PTPRD: variants seen among roughly 807,000 people sequenced by gnomAD.
PTPRD encodes the protein receptor-type tyrosine-protein phosphatase delta.
In PTPRD, 34 loss-of-function variants were observed where a neutral mutation model predicts 214.5. The ratio of observed to expected loss-of-function variants is 0.16; its 90% CI spans 0.12 to 0.21. PTPRD has a LOEUF of 0.21. PTPRD is among the 10% of genes least tolerant of loss of function. The probability of loss-of-function intolerance (pLI) is 1.00; values close to 1 mark genes in which losing one functional copy is unlikely to be tolerated. For missense variants in PTPRD, 2,545 were observed against 2,398.7 expected (o/e 1.06, Z -1.27); for synonymous variants, 1,128 against 845.7 (o/e 1.33, Z -5.79).
intron 2 of PTPRD, among the ~76,000 whole-genome samples, chr9:10,565,541 T>C (rs534430136): frequency 3.9e-5 from 6 of 152,218 alleles, no homozygotes; most frequent in Admixed American, 2.6e-4. Flanking sequence ...ATTGTGTTTA[T>C]AGTAAGTACT....
chr9:8,447,585 T>C (rs1307338117), intron 34 of PTPRD, among the ~76,000 whole-genome samples: 1 of 152,200 alleles, frequency 6.6e-6, no homozygotes, highest in Non-Finnish European at 1.5e-5. Context: ...CCTATTCTCT[T>C]ACCTGCAGTC....
intron 5 of PTPRD, among the ~76,000 whole-genome samples, chr9:9,772,694 T>C (rs2821506): frequency 0.15 from 22,460 of 152,172 alleles, 2,349 homozygotes; most frequent in African/African-American, 0.3. Context: ...AAAGTAAATA[T>C]TATCTTTTTT....
At chr9:10,173,075 T>C (rs979826710) in intron 3 of PTPRD, among the ~76,000 whole-genome samples, 1 of 152,196 alleles carries the variant, frequency 6.6e-6, no homozygotes, top group African/African-American at 2.4e-5. Flanking sequence ...CAGAATAGAA[T>C]GTGGCCATTT....
At chr9:8,372,141 G>T (rs987465930) in intron 39 of PTPRD, among the ~76,000 whole-genome samples, 2 of 151,974 alleles carry the variant, frequency 1.3e-5, no homozygotes, top group South Asian at 4.2e-4. Flanking sequence ...AAAGTCTCAT[G>T]GGATTGCCAT....
At chr9:9,448,640 C>T (rs534113414) in intron 8 of PTPRD, among the ~76,000 whole-genome samples, 102 of 152,000 alleles carry the variant, frequency 6.7e-4, no homozygotes, top group Middle Eastern at 3.4e-3. Context: ...CACTGGATGC[C>T]CTGCTCTAAG....
At chr9:10,228,194 G>T (rs2099595639) in intron 3 of PTPRD, among the ~76,000 whole-genome samples, 1 of 151,986 alleles carries the variant, frequency 6.6e-6, no homozygotes, top group South Asian at 2.1e-4. Context: ...AGAAGGAAGG[G>T]AAGAGATATG....
intron 35 of PTPRD, among the ~76,000 whole-genome samples, chr9:8,430,324 C>T (rs1430729508): frequency 6.6e-6 from 1 of 151,786 alleles, no homozygotes; most frequent in Non-Finnish European, 1.5e-5. Context: ...GGCTGCAGTG[C>T]AGTGACATGA....
chr9:10,513,481 A>G (rs2048972650), intron 2 of PTPRD, among the ~76,000 whole-genome samples: 1 of 152,180 alleles, frequency 6.6e-6, no homozygotes, highest in Non-Finnish European at 1.5e-5. Context: ...GAATCATCAA[A>G]GAAGAGCAAT....
At chr9:8,970,735 C>A (rs1410318507) in intron 11 of PTPRD, among the ~76,000 whole-genome samples, 2 of 151,716 alleles carry the variant, frequency 1.3e-5, no homozygotes, top group Non-Finnish European at 2.9e-5. Context: ...ACCTAACAAA[C>A]AGAAAATCTA....
intron 11 of PTPRD, among the ~76,000 whole-genome samples, chr9:8,972,835 T>C (rs899484036): frequency 2.0e-5 from 3 of 152,082 alleles, no homozygotes; most frequent in African/African-American, 4.8e-5. Flanking sequence ...GACATAAATA[T>C]GTGCCATAGA....
At chr9:8,417,379 A>C (rs776505348) in intron 35 of PTPRD, among the ~76,000 whole-genome samples, 1 of 152,182 alleles carries the variant, frequency 6.6e-6, no homozygotes, top group Non-Finnish European at 1.5e-5. Context: ...TTCATTCCTT[A>C]GAACTGAATA....
intron 35 of PTPRD, among the ~76,000 whole-genome samples, chr9:8,432,992 C>G (rs1466050879): frequency 6.6e-6 from 1 of 152,200 alleles, no homozygotes; most frequent in Non-Finnish European, 1.5e-5. Flanking sequence ...ATTAAAGTAT[C>G]TTTACATGTA....
In PTPRD at chr9:8,517,708, T is replaced by A. The variant is rs570903505; in HGVS notation, c.1543+140A>T. On this transcript the variant is annotated intron_variant, in intron 21 of 45. Coordinates refer to ENST00000381196, the MANE Select transcript of PTPRD (RefSeq NM_002839.4). ...GTCCATGCTTGTTCCTTTTCAGATA[T>A]CTATCATCTGTTGCTTTGAAGCCCT... 164 of 687,958 alleles carry A rather than the reference T, an allele frequency of 2.4e-4. 5 individuals carry two copies. In the South Asian group the frequency reaches 3.0e-3, roughly 13 times the overall value. The allele number at this position is 687,958 out of a possible 1,614,324, so 42.6% of individuals were successfully genotyped here.
intron 11 of PTPRD, among the ~76,000 whole-genome samples, chr9:8,859,804 T>TGGGG (rs140012420): frequency 8.4e-5 from 12 of 142,488 alleles, no homozygotes; most frequent in Admixed American, 2.1e-4. Context: ...TCCAGCAATT[T>TGGGG]GGGGGTGGGG....
chr9:10,185,618 G>A (rs541359621), intron 3 of PTPRD, among the ~76,000 whole-genome samples: 2 of 152,142 alleles, frequency 1.3e-5, no homozygotes, highest in African/African-American at 2.4e-5. Context: ...GCAAGACAAC[G>A]GTTAGAACAC....
chr9:10,062,706 A>ATT (rs33950343), intron 3 of PTPRD, among the ~76,000 whole-genome samples: 1 of 151,654 alleles, frequency 6.6e-6, no homozygotes, highest in African/African-American at 2.4e-5. Flanking sequence ...GGAAAGTAAT[A>ATT]TTTTTTTTCT....
At chr9:9,888,849 C>A (rs570880139) in intron 5 of PTPRD, among the ~76,000 whole-genome samples, 5 of 152,224 alleles carry the variant, frequency 3.3e-5, no homozygotes, top group Non-Finnish European at 7.4e-5. Context: ...ACCCAACACC[C>A]TGATTTCATT....
chr9:9,346,464 C>A (rs2048840674), intron 9 of PTPRD, among the ~76,000 whole-genome samples: 1 of 152,024 alleles, frequency 6.6e-6, no homozygotes, highest in Non-Finnish European at 1.5e-5. Context: ...AATTAAACAA[C>A]TCTATATTAC....
chr9:8,742,575 C>A (rs946934148), intron 11 of PTPRD, among the ~76,000 whole-genome samples: 1 of 151,980 alleles, frequency 6.6e-6, no homozygotes, highest in Non-Finnish European at 1.5e-5. Flanking sequence ...TTTGTTTTAG[C>A]CCTATCAATA....
Sources: gnomAD v4.1 joint callset for allele counts (sites outside exome capture counted in the v4.1 genomes callset) on GRCh38, gnomAD v4.1.1 for gene constraint, MANE v1.5 for transcripts, NCBI Gene and HGNC (gene_info 2026-07-23, HGNC 2026-07-21) for gene names.